NFASC: variants seen among roughly 807,000 people sequenced by gnomAD.
NFASC encodes neurofascin.
NFASC carries 43 observed loss-of-function variants against 147.5 expected under a neutral mutation model. The ratio of observed to expected loss-of-function variants is 0.29; its 90% CI spans 0.23 to 0.38. The LOEUF (loss-of-function observed/expected upper bound fraction) is 0.38, where lower values mean the gene tolerates loss of function less well. Ranked by LOEUF, NFASC falls within the 10% of genes least tolerant of loss-of-function variation. NFASC has a pLI of 1.00. For missense variants in NFASC, 1,320 were observed against 1,689.0 expected, an observed-to-expected ratio of 0.78 and a Z score of 3.83; for synonymous variants, 622 against 665.5, an observed-to-expected ratio of 0.93 and a Z score of 1.01.
At position 204,975,869 on chromosome 1, in the gene NFASC, A is replaced by G. The variant is rs1294352667; in HGVS notation, c.1706+451A>G. Reference sequence around the variant, plus strand: ...GCTCTCAGCCCTGACTGAACCTGGCATGCTTTTACCACACCCACGCCTGCC... The same window carrying G: ...GCTCTCAGCCCTGACTGAACCTGGCGTGCTTTTACCACACCCACGCCTGCC... On this transcript the variant is annotated intron_variant, in intron 15 of 29. Coordinates refer to ENST00000339876, the MANE Select transcript of NFASC (RefSeq NM_001005388.3). This position sits in a 1 kb window ranked among gnomAD's most constrained non-coding sequence, Gnocchi z 4.0. Among the ~76,000 whole-genome samples, 1 of 152,148 alleles carries G rather than the reference A, an allele frequency of 6.6e-6. No homozygotes were observed. Among genetic ancestry groups the G allele is most frequent in the Non-Finnish European group, 1.5e-5 (1 of 68,018 alleles).
intron 1 of NFASC, among the ~76,000 whole-genome samples, chr1:204,875,996 T>C (rs1255567307): frequency 2.0e-5 from 3 of 152,176 alleles, no homozygotes; most frequent in Admixed American, 6.5e-5. Flanking sequence ...TGCCTGGTAA[T>C]ACACAGTCAT....
intron 1 of NFASC, among the ~76,000 whole-genome samples, chr1:204,872,960 G>A (rs774467628): frequency 2.6e-5 from 4 of 152,148 alleles, no homozygotes; most frequent in African/African-American, 2.4e-5. Flanking sequence ...TCACACTGTC[G>A]GTGACTGAGC....
Position 204,974,182 on chromosome 1 carries a change from T to C in NFASC, c.1283T>C (p.Val428Ala). 6.2e-7 allele frequency: 1 copy of C among 1,613,364 alleles called. No homozygotes were observed. The highest frequency in any genetic ancestry group is 8.5e-7 in the Non-Finnish European group (1 of 1,179,652). ...ATTGCTTCTCTGGGAATTTCAGATG[T>C]GCCGCCTCGGATGCTGTCGCCCCGG... ...LANAFVSVLDVPPRMLSPRNQ... is the reference protein window; with the variant it reads ...LANAFVSVLDAPPRMLSPRNQ... Residue 428 changes from valine (V) to alanine (A), a missense_variant, in exon 13 of 30, where the codon GTG becomes GCG. Transcript: ENST00000339876.
At chr1:204,846,401 C>T (rs1677045591) in intron 1 of NFASC, among the ~76,000 whole-genome samples, 1 of 152,132 alleles carries the variant, frequency 6.6e-6, no homozygotes, top group Non-Finnish European at 1.5e-5. Flanking sequence ...ATATTATTTC[C>T]TCCATAAAGA....
In NFASC at chr1:205,013,633, T is replaced by C. The variant is rs113890996; in HGVS notation, c.3491+767T>C. ...ATCTTTGTATGTGGGCTTAACAACA[T>C]TGTTGTGGGTCCATGGAGATGGCGA... is the stretch of plus-strand genomic sequence containing the variant. On this transcript the variant is annotated intron_variant, in intron 29 of 29. Transcript: ENST00000339876. 2.2e-3 allele frequency among the ~76,000 whole-genome samples: 332 copies of C among 152,264 alleles called. 2 individuals are homozygous for C. The highest frequency in any genetic ancestry group is 7.7e-3 in the African/African-American group (322 of 41,552).
intron 13 of NFASC, 115 bp from the exon 14 acceptor site, chr1:204,974,542 C>A: frequency 1.6e-6 from 2 of 1,267,798 alleles, no homozygotes; most frequent in Non-Finnish European, 2.3e-6. Context: ...GGGCTCCAGT[C>A]TCCTAGCATG....
intron 1 of NFASC, among the ~76,000 whole-genome samples, chr1:204,854,753 T>G (rs886149199): frequency 2.6e-5 from 4 of 152,214 alleles, no homozygotes; most frequent in Non-Finnish European, 5.9e-5. Context: ...GAAGCCCTAA[T>G]CTTTGCTTCT....
intron 17 of NFASC, among the ~76,000 whole-genome samples, chr1:204,978,525 C>T (rs2095450424): frequency 6.6e-6 from 1 of 152,194 alleles, no homozygotes; most frequent in Non-Finnish European, 1.5e-5. Context: ...TTCCCATCTC[C>T]TCAGAGCCTT....
rs781105997 is a variant in NFASC at position 205,002,722 on chromosome 1, C to T, written c.3263C>T (p.Thr1088Ile). Reference protein sequence around the residue: ...YSRDNEGISSTVITFMTSTAY... With the variant: ...YSRDNEGISSIVITFMTSTAY... ...CGGGACAACGAGGGCATCAGCAGTA[C>T]CGTCATCACCTTTATGACCAGTACA... Residue 1088 changes from threonine (T) to isoleucine (I), a missense_variant, in exon 27 of 30, where the codon ACC becomes ATC. Physicochemically the swap from Thr to Ile is moderately conservative, Grantham distance 89. Coordinates refer to ENST00000339876, the MANE Select transcript of NFASC (RefSeq NM_001005388.3). 2 of 1,558,552 alleles carry T rather than the reference C, an allele frequency of 1.3e-6. No individual in the cohort carries two copies. The highest frequency in any genetic ancestry group is 3.4e-5 in the Admixed American group (2 of 59,034).
In NFASC at chr1:204,975,252, G is replaced by A. The variant is rs1436628493; in HGVS notation, c.1559-19G>A. The A allele has an allele frequency of 1.6e-5, 25 of 1,600,872 alleles. No homozygotes were observed. The highest frequency in any genetic ancestry group is 2.2e-5 in the East Asian group (1 of 44,604). On this transcript the variant is annotated intron_variant, in intron 14 of 29. Coordinates refer to ENST00000339876, the MANE Select transcript of NFASC (RefSeq NM_001005388.3). This position sits in a 1 kb window ranked among gnomAD's most constrained non-coding sequence, Gnocchi z 4.0. ...GGCAGAGAACAGGCCAGTGGCGAGT[G>A]CTCTGGGCTTCTCCACAGACCCCAC... is the stretch of plus-strand genomic sequence containing the variant.
chr1:205,008,220 G>A (rs1251096902), intron 27 of NFASC, among the ~76,000 whole-genome samples: 1 of 152,192 alleles, frequency 6.6e-6, no homozygotes, highest in Non-Finnish European at 1.5e-5. Context: ...CTGGGCACTG[G>A]GAAGGCTGTA....
chr1:204,927,984 G>A (rs1218034007), intron 2 of NFASC, among the ~76,000 whole-genome samples: 3 of 152,174 alleles, frequency 2.0e-5, no homozygotes, highest in Non-Finnish European at 4.4e-5. Context: ...TGGTGGGATC[G>A]GAATTCCTCC....
At chr1:204,931,944 C>T (rs1322241250) in intron 2 of NFASC, among the ~76,000 whole-genome samples, 3 of 152,122 alleles carry the variant, frequency 2.0e-5, no homozygotes, top group Non-Finnish European at 4.4e-5. Flanking sequence ...CCCCTTTTCT[C>T]TCTCACTCTG....
chr1:204,954,696 C>G lies in NFASC; in HGVS notation c.413-133C>G. The G allele has an allele frequency of 9.1e-7, 1 of 1,097,930 alleles. No individual in the cohort carries two copies. The highest frequency in any genetic ancestry group is 1.3e-6 in the Non-Finnish European group (1 of 751,720). 68.0% of individuals were successfully genotyped at this position (1,097,930 alleles called of 1,614,324 possible). A position where few individuals can be genotyped will look rare whatever the true frequency, so the allele number is the denominator to read the frequency against. On this transcript the variant is annotated intron_variant, in intron 6 of 29. Transcript: ENST00000339876. This position sits in a 1 kb window ranked among gnomAD's most constrained non-coding sequence, Gnocchi z 5.7. ...CCTTGAGTAGGCTCACGTGCCCCGT[C>G]CCTCTCTCTTGCTCCCTCCTTCTCC...
intron 8 of NFASC, among the ~76,000 whole-genome samples, chr1:204,958,137 G>T (rs990175132): frequency 6.6e-6 from 1 of 152,106 alleles, no homozygotes. Context: ...GAGCCTCTTT[G>T]TTCTTTATGA....
Position 204,883,191 on chromosome 1 carries a change from G to GAGA in NFASC, c.-199-37438_-199-37436dup, listed in dbSNP as rs527965036. Among the ~76,000 whole-genome samples, 186 of 152,332 alleles carry GAGA rather than the reference G, an allele frequency of 1.2e-3. 1 individual carries two copies. Among genetic ancestry groups the GAGA allele is most frequent in the African/African-American group, 4.0e-3 (165 of 41,574 alleles). ...TGGGAGCCCAGCTTATGTGAATGCA[G>GAGA]AGAAGCTATATGTGGCAAGCACTAT... is the stretch of plus-strand genomic sequence containing the variant. On this transcript the variant is annotated intron_variant, in intron 1 of 29. Coordinates refer to ENST00000339876, the MANE Select transcript of NFASC (RefSeq NM_001005388.3).
Position 204,948,704 on chromosome 1 carries a change from A to T in NFASC, c.92-1853A>T, listed in dbSNP as rs544225858. 1.5e-5 allele frequency: 8 copies of T among 519,044 alleles called. 1 individual carries two copies. In the Admixed American group the frequency reaches 1.6e-4, roughly 10 times the overall value. 32.2% of individuals were successfully genotyped at this position (519,044 alleles called of 1,614,324 possible). On this transcript the variant is annotated intron_variant, in intron 3 of 29. Transcript: ENST00000339876. ...AGAGACTTCTTCCTTGGATCTGGAG[A>T]TTCCCTGGACAATGTCTAGGGCTCT...
chr1:204,997,029 C>T, intron 24 of NFASC, 141 bp from the exon 25 acceptor site: 1 of 1,312,670 alleles, frequency 7.6e-7, no homozygotes, highest in Non-Finnish European at 1.0e-6. Flanking sequence ...CCGTCTGACC[C>T]AGTCCGTTAT....
At chr1:204,995,573 C>T (rs964152268) in intron 24 of NFASC, among the ~76,000 whole-genome samples, 1 of 151,952 alleles carries the variant, frequency 6.6e-6, no homozygotes, top group African/African-American at 2.4e-5. Flanking sequence ...TTGAGCCTGC[C>T]CAGGAACCTC....
Sources: allele counts gnomAD v4.1 joint callset (sites outside exome capture counted in the v4.1 genomes callset), GRCh38; gene constraint gnomAD v4.1.1; non-coding constraint Gnocchi (gnomAD v3.1); transcripts MANE v1.5; gene names NCBI Gene and HGNC (gene_info 2026-07-23, HGNC 2026-07-21).